The following CYTH2 variants were observed in gnomAD, a reference collection of about 807,000 sequenced individuals.
CYTH2 encodes cytohesin 2, also known as cytohesin-2.
Under a neutral mutation model 55.4 loss-of-function variants are expected in CYTH2, and 24 were observed. That is an observed-to-expected ratio of 0.43 (90% CI 0.31 to 0.61). The LOEUF is 0.61. Among genes scored for constraint, CYTH2 ranks in the 20% least tolerant of loss-of-function variants. The pLI, the probability that CYTH2 is intolerant of heterozygous loss-of-function variation, is 0.08. For missense variants in CYTH2, 378 were observed against 533.5 expected (o/e 0.71, Z 2.87); for synonymous variants, 221 against 209.6 (o/e 1.05, Z -0.47).
chr19:48,479,452 TC>T lies in CYTH2; in HGVS notation c.*245del. ...AGGTGCTCCGTGGAGCCAGCCTGTT[TC>T]CCTGGACAGGGGCCTGGACCCGCCT... On this transcript the variant is annotated 3_prime_UTR_variant, in exon 12 of 12. Coordinates refer to ENST00000452733, the MANE Select transcript of CYTH2 (RefSeq NM_004228.7). 2.1e-6 allele frequency: 1 copy of T among 470,762 alleles called. No individual in the cohort carries two copies. The highest frequency in any genetic ancestry group is 2.6e-5 in the South Asian group (1 of 37,826). 29.2% of individuals were successfully genotyped at this position (470,762 alleles called of 1,614,324 possible). A position where few individuals can be genotyped will look rare whatever the true frequency, so the allele number is the denominator to read the frequency against.
In CYTH2 at chr19:48,474,049, G is replaced by A; in HGVS notation, c.547+32G>A. On this transcript the variant is annotated intron_variant, in intron 6 of 11. Coordinates refer to ENST00000452733, the MANE Select transcript of CYTH2 (RefSeq NM_004228.7). The surrounding 1 kb of genome is among the most constrained non-coding windows in gnomAD (Gnocchi z 4.9). The stretch of plus-strand genomic sequence containing the variant: ...GCCCCAAATCCTGGGTCCTGGGAAA[G>A]AGGAGACTGGGGCCCAGACTCCTAG... 6.3e-7 allele frequency: 1 copy of A among 1,578,516 alleles called. No homozygotes were observed. The highest frequency in any genetic ancestry group is 8.6e-7 in the Non-Finnish European group (1 of 1,162,796).
In CYTH2 at chr19:48,473,742, G is replaced by A. The variant is rs1971850617; in HGVS notation, c.435-163G>A. On this transcript the variant is annotated intron_variant, in intron 5 of 11. Coordinates refer to ENST00000452733, the MANE Select transcript of CYTH2 (RefSeq NM_004228.7). ...TGTAGGGATTCACAACACTCCCGTG[G>A]CCAATGCCCATTGGTGAGACTGGAT... 1.9e-5 allele frequency: 12 copies of A among 626,576 alleles called. No homozygotes were observed. In the South Asian group the frequency reaches 2.4e-4, roughly 13 times the overall value. The allele number at this position is 626,576 out of a possible 1,614,324, so 38.8% of individuals were successfully genotyped here.
At chr19:48,470,525 G>C (rs746938433) in intron 2 of CYTH2, 25 bp downstream of exon 2, 1 of 1,613,682 alleles carries the variant, frequency 6.2e-7, no homozygotes, top group African/African-American at 1.3e-5. Context: ...GGATGACCTA[G>C]GGGGCGTGGG....
At chr19:48,478,701 TG>T (rs1327088125) in intron 11 of CYTH2, 109 bp downstream of exon 11, 4 of 427,326 alleles carry the variant, frequency 9.4e-6, no homozygotes, top group Non-Finnish European at 1.4e-5. Context: ...GAGGAGGGGC[TG>T]GGGCCTGGAC....
intron 4 of CYTH2, chr19:48,473,042 T>C: frequency 2.1e-6 from 1 of 470,176 alleles, no homozygotes; most frequent in Non-Finnish European, 3.9e-6. Flanking sequence ...AGCATACATG[T>C]TTGCGGCATT....
chr19:48,473,530 C>G (rs1971846272), intron 5 of CYTH2, 152 bp downstream of exon 5: 1 of 749,868 alleles, frequency 1.3e-6, no homozygotes, highest in South Asian at 1.7e-5. Context: ...CATAAAAGTT[C>G]AGGGTTATGG....
chr19:48,479,291 C>T lies in CYTH2; in HGVS notation c.*81C>T. The T allele has an allele frequency of 6.8e-7, 1 of 1,463,122 alleles. No individual in the cohort carries two copies. The highest frequency in any genetic ancestry group is 9.5e-7 in the Non-Finnish European group (1 of 1,052,766). The allele number at this position is 1,463,122 out of a possible 1,614,324, so 90.6% of individuals were successfully genotyped here. A position where few individuals can be genotyped will look rare whatever the true frequency, so the allele number is the denominator to read the frequency against. ...ACCCCTGGGCCTTGGGGCTGTGGATCCTGGTTCCCTGTTTGGAAAATTCAC... is the reference window on the plus strand; with the variant it reads ...ACCCCTGGGCCTTGGGGCTGTGGATTCTGGTTCCCTGTTTGGAAAATTCAC... On this transcript the variant is annotated 3_prime_UTR_variant, in exon 12 of 12. Coordinates refer to ENST00000452733, the MANE Select transcript of CYTH2 (RefSeq NM_004228.7).
chr19:48,471,752 T>C (rs993477959), intron 3 of CYTH2, among the ~76,000 whole-genome samples: 2 of 152,342 alleles, frequency 1.3e-5, no homozygotes, highest in East Asian at 1.9e-4. Context: ...GTTCAGTCAT[T>C]CAACAAACAT....
chr19:48,470,320 C>T (rs1222821192), intron 1 of CYTH2, 33 bp from the exon 2 acceptor site: 2 of 1,579,706 alleles, frequency 1.3e-6, no homozygotes, highest in Non-Finnish European at 8.6e-7. Flanking sequence ...CGGCCCCTAG[C>T]ACTGACTTTT....
intron 1 of CYTH2, chr19:48,469,804 A>T (rs1292183366): frequency 1.4e-5 from 4 of 276,022 alleles, no homozygotes; most frequent in African/African-American, 6.0e-5. Flanking sequence ...TTCCCGCTGG[A>T]GGGGCGGGCG....
chr19:48,482,194 C>T lies in CYTH2; in HGVS notation c.*2984C>T, dbSNP rs1342768650. The T allele has an allele frequency of 6.6e-6, 1 of 152,162 alleles. No homozygotes were observed. Among genetic ancestry groups the T allele is most frequent in the Non-Finnish European group, 1.5e-5 (1 of 68,064 alleles). The allele number at this position is 152,162 out of a possible 1,614,324, so 9.4% of individuals were successfully genotyped here. A position where few individuals can be genotyped will look rare whatever the true frequency, so the allele number is the denominator to read the frequency against. On this transcript the variant is annotated 3_prime_UTR_variant, in exon 12 of 12. Transcript: ENST00000452733. ...GAATCTGAGCCAAATCAACCTCTTC[C>T]TTTATAAAGACCCAGCCTCAGGTCT...
Position 48,473,901 on chromosome 19 carries a change from C to A in CYTH2, c.435-4C>A. On this transcript the variant is annotated splice_region_variant and splice_polypyrimidine_tract_variant and intron_variant, in intron 5 of 11. Coordinates refer to ENST00000452733, the MANE Select transcript of CYTH2 (RefSeq NM_004228.7). Reference sequence around the variant, plus strand: ...CATCCATTCCTGGCCCCTCCCCAACCCAGGCAGTTTCTATGGAGCTTTCGC... The same window carrying A: ...CATCCATTCCTGGCCCCTCCCCAACACAGGCAGTTTCTATGGAGCTTTCGC... 1.2e-6 allele frequency: 2 copies of A among 1,600,182 alleles called. No homozygotes were observed. The highest frequency in any genetic ancestry group is 1.7e-6 in the Non-Finnish European group (2 of 1,173,240).
chr19:48,470,118 C>T, intron 1 of CYTH2: 5 of 715,288 alleles, frequency 7.0e-6, no homozygotes, highest in Non-Finnish European at 1.3e-5. Flanking sequence ...CATTCCCCTT[C>T]TCCCTCAGAC....
chr19:48,474,151 G>A lies in CYTH2; in HGVS notation c.548-31G>A. 1 of 1,560,890 alleles carries A rather than the reference G, an allele frequency of 6.4e-7. No individual in the cohort carries two copies. The highest frequency in any genetic ancestry group is 8.7e-7 in the Non-Finnish European group (1 of 1,152,068). On this transcript the variant is annotated intron_variant, in intron 6 of 11. Coordinates refer to ENST00000452733, the MANE Select transcript of CYTH2 (RefSeq NM_004228.7). This position sits in a 1 kb window ranked among gnomAD's most constrained non-coding sequence, Gnocchi z 4.9. ...GGGGGCACTGGGGACTGACATGCCT[G>A]GGTCGTCACCACCTGCCCTGTCCGG...
intron 1 of CYTH2, 71 bp from the exon 2 acceptor site, chr19:48,470,282 G>GC: frequency 2.0e-6 from 3 of 1,534,248 alleles, no homozygotes; most frequent in Non-Finnish European, 2.6e-6. Flanking sequence ...AGCTCTGTCC[G>GC]CCCCCAGATT....
intron 5 of CYTH2, 149 bp downstream of exon 5, chr19:48,473,527 GT>G: frequency 1.3e-6 from 1 of 775,128 alleles, no homozygotes; most frequent in Non-Finnish European, 2.1e-6. Flanking sequence ...CACCATAAAA[GT>G]TCAGGGTTAT....
rs114924764 is a variant in CYTH2, at chr19:48,478,416, G to T, written c.958-22G>T. ...CTGCCCAGGGCTGGTTCTTACCTGC[G>T]CCCTTCCTCTCTCGTCCCCAGAACT... is the stretch of plus-strand genomic sequence containing the variant. On this transcript the variant is annotated intron_variant, in intron 10 of 11. Coordinates refer to ENST00000452733, the MANE Select transcript of CYTH2 (RefSeq NM_004228.7). 19 of 1,613,054 alleles carry T rather than the reference G, an allele frequency of 1.2e-5. No homozygotes were observed. In the East Asian group the frequency reaches 3.8e-4, roughly 32 times the overall value.
rs187445424 is a variant in CYTH2, at chr19:48,481,492, T to G, written c.*2282T>G. The G allele has an allele frequency of 1.0e-4, 4 of 39,946 alleles. No individual in the cohort carries two copies. The highest frequency in any genetic ancestry group is 4.3e-4 in the East Asian group (1 of 2,348). 2.5% of individuals were successfully genotyped at this position (39,946 alleles called of 1,614,324 possible). A position where few individuals can be genotyped will look rare whatever the true frequency, so the allele number is the denominator to read the frequency against. On this transcript the variant is annotated 3_prime_UTR_variant, in exon 12 of 12. Transcript: ENST00000452733. ...GCACGCTTCTGATTTTTTTTGTAGG[T>G]TTTTTTTTTTGTTTTTTGTTTTGTT...
Position 48,474,124 on chromosome 19 carries a change from A to G in CYTH2, c.548-58A>G, listed in dbSNP as rs937077634. 1.8e-5 allele frequency: 28 copies of G among 1,553,598 alleles called. No individual in the cohort carries two copies. The highest frequency in any genetic ancestry group is 3.8e-5 in the Admixed American group (2 of 52,780). Reference sequence around the variant, plus strand: ...AGCTGGGAATCCTGGGTCCTGGGGAATGGGGGCACTGGGGACTGACATGCC... The same window carrying G: ...AGCTGGGAATCCTGGGTCCTGGGGAGTGGGGGCACTGGGGACTGACATGCC... On this transcript the variant is annotated intron_variant, in intron 6 of 11. Coordinates refer to ENST00000452733, the MANE Select transcript of CYTH2 (RefSeq NM_004228.7). This position sits in a 1 kb window ranked among gnomAD's most constrained non-coding sequence, Gnocchi z 4.9.
Sources: allele counts gnomAD v4.1 joint callset (sites outside exome capture counted in the v4.1 genomes callset), GRCh38; gene constraint gnomAD v4.1.1; non-coding constraint Gnocchi (gnomAD v3.1); transcripts MANE v1.5; gene names NCBI Gene and HGNC (gene_info 2026-07-23, HGNC 2026-07-21).